PKD2L1: variants seen among roughly 807,000 people sequenced by gnomAD.
PKD2L1 encodes the protein polycystin 2 like 1, transient receptor potential cation channel.
A neutral mutation model predicts 93.0 loss-of-function variants in PKD2L1; 77 were observed. That is an observed-to-expected ratio of 0.83 (90% CI 0.69 to 1.00). The LOEUF (loss-of-function observed/expected upper bound fraction) is 1.00, where lower values mean the gene tolerates loss of function less well. Ranked by LOEUF, PKD2L1 falls within the 50% of genes least tolerant of loss-of-function variation. PKD2L1 has a pLI of 0.00. For missense variants in PKD2L1, 977 were observed against 990.9 expected, an observed-to-expected ratio of 0.99 and a Z score of 0.19; for synonymous variants, 390 against 388.0, an observed-to-expected ratio of 1.01 and a Z score of -0.06.
rs1485608596 is a variant in PKD2L1 at position 100,288,450 on chromosome 10, G to T, written c.2364C>A (p.Ala788=). ...SEVPYKREEE[A]LEERRLSRGE... Reference sequence around the variant, plus strand: ...CACGGGAGAGTCTCCTCTCCTCTAAGGCTTCCTCTTCTCTTTTATAGGGAA... The same window carrying T: ...CACGGGAGAGTCTCCTCTCCTCTAATGCTTCCTCTTCTCTTTTATAGGGAA... Residue 788 remains alanine (A), a synonymous_variant, in exon 16 of 16, where the codon GCC becomes GCA. Coordinates refer to ENST00000318222, the MANE Select transcript of PKD2L1 (RefSeq NM_016112.3). The T allele has an allele frequency of 6.2e-7, 1 of 1,612,426 alleles. No individual in the cohort carries two copies. Among genetic ancestry groups the T allele is most frequent in the Non-Finnish European group, 8.5e-7 (1 of 1,178,492 alleles).
At chr10:100,328,398 A>G (rs994530134) in intron 2 of PKD2L1, among the ~76,000 whole-genome samples, 13 of 152,220 alleles carry the variant, frequency 8.5e-5, no homozygotes, top group Non-Finnish European at 1.8e-4. Flanking sequence ...ACATGGGACC[A>G]TCACCATACC....
chr10:100,316,768 A>G (rs890867039), intron 2 of PKD2L1, among the ~76,000 whole-genome samples: 2 of 152,198 alleles, frequency 1.3e-5, no homozygotes, highest in African/African-American at 4.8e-5. Flanking sequence ...TATTTGGGTT[A>G]TATCTATCAA....
chr10:100,295,986 A>T, intron 7 of PKD2L1, 136 bp downstream of exon 7: 5 of 702,368 alleles, frequency 7.1e-6, no homozygotes, highest in Non-Finnish European at 1.1e-5. Flanking sequence ...CAGTGAGCCA[A>T]GATCGCCCCC....
intron 2 of PKD2L1, among the ~76,000 whole-genome samples, chr10:100,325,407 A>T (rs1275058542): frequency 6.6e-6 from 1 of 152,178 alleles, no homozygotes; most frequent in African/African-American, 2.4e-5. Context: ...CCAAGGCTCC[A>T]TGTCGCCTGA....
intron 7 of PKD2L1, among the ~76,000 whole-genome samples, chr10:100,295,428 TAAAAA>T (rs751427378): frequency 8.4e-5 from 6 of 71,226 alleles, no homozygotes; most frequent in Admixed American, 1.7e-4. Context: ...CTGGGACCAT[TAAAAA>T]AAAAAAAAAA....
chr10:100,294,627 C>T lies in PKD2L1; in HGVS notation c.1567G>A (p.Asp523Asn), dbSNP rs1245630963. 3 of 1,613,904 alleles carry T rather than the reference C, an allele frequency of 1.9e-6. No homozygotes were observed. Among genetic ancestry groups the T allele is most frequent in the Non-Finnish European group, 2.5e-6 (3 of 1,179,986 alleles). ...TTGTCGATAGCATTGTAGTCAAAGT[C>T]CCCGAGGATTATCCGGAACTGAGTG... ...IFTQFRIILG[D>N]FDYNAIDNAN... The change falls in exon 9 of 16, where the codon GAC becomes AAC. Residue 523 changes from aspartate (D) to asparagine (N), a missense_variant. Physicochemically the swap from Asp to Asn is conservative, Grantham distance 23. Transcript: ENST00000318222.
intron 2 of PKD2L1, among the ~76,000 whole-genome samples, chr10:100,301,983 A>G (rs989300067): frequency 1.3e-5 from 2 of 152,216 alleles, no homozygotes; most frequent in Admixed American, 1.3e-4. Flanking sequence ...TTACAGGCAT[A>G]TGCCACCACA....
chr10:100,320,304 G>A (rs533623538), intron 2 of PKD2L1, among the ~76,000 whole-genome samples: 2 of 152,304 alleles, frequency 1.3e-5, no homozygotes, highest in Admixed American at 1.3e-4. Flanking sequence ...CATATTGCCT[G>A]CATGAAAAAG....
intron 9 of PKD2L1, among the ~76,000 whole-genome samples, chr10:100,294,308 G>T (rs1848470177): frequency 6.6e-6 from 1 of 152,090 alleles, no homozygotes; most frequent in African/African-American, 2.4e-5. Context: ...ATGAGGGTTT[G>T]ATTTTACTGA....
intron 4 of PKD2L1, 105 bp downstream of exon 4, chr10:100,298,457 G>T: frequency 1.7e-6 from 2 of 1,173,510 alleles, no homozygotes; most frequent in Non-Finnish European, 2.4e-6. Context: ...CCCTTAAAGA[G>T]CTCTGAGGCT....
intron 9 of PKD2L1, among the ~76,000 whole-genome samples, chr10:100,294,112 A>G (rs1848467029): frequency 6.6e-6 from 1 of 152,100 alleles, no homozygotes; most frequent in South Asian, 2.1e-4. Flanking sequence ...GACCCTGTCT[A>G]AAATAAATAA....
chr10:100,289,565 A>T (rs891748319), intron 14 of PKD2L1, among the ~76,000 whole-genome samples: 1 of 151,936 alleles, frequency 6.6e-6, no homozygotes, highest in Non-Finnish European at 1.5e-5. Flanking sequence ...TAAATAAAAT[A>T]AAAAAATAAA....
At chr10:100,328,680 T>C (rs1350412278) in intron 2 of PKD2L1, among the ~76,000 whole-genome samples, 1 of 151,842 alleles carries the variant, frequency 6.6e-6, no homozygotes, top group Non-Finnish European at 1.5e-5. Context: ...CTGCAACCTC[T>C]GCTCCTGGGT....
chr10:100,289,570 A>T (rs1166457247), intron 14 of PKD2L1, among the ~76,000 whole-genome samples: 1 of 152,014 alleles, frequency 6.6e-6, no homozygotes, highest in Non-Finnish European at 1.5e-5. Flanking sequence ...AAAATAAAAA[A>T]ATAAAATAAA....
rs1018513613 is a variant in PKD2L1, at chr10:100,317,024, G to A, written c.349+12187C>T. On this transcript the variant is annotated intron_variant, in intron 2 of 15. Coordinates refer to ENST00000318222, the MANE Select transcript of PKD2L1 (RefSeq NM_016112.3). Reference sequence around the variant, plus strand: ...GATCCCTTGAGCCTGGGAGGCAGTGGCTGCAGTGAGCCAAGATCGCCCCAC... The same window carrying A: ...GATCCCTTGAGCCTGGGAGGCAGTGACTGCAGTGAGCCAAGATCGCCCCAC... Among the ~76,000 whole-genome samples, 18 of 151,958 alleles carry A rather than the reference G, an allele frequency of 1.2e-4. 1 individual carries two copies. The highest frequency in any genetic ancestry group is 6.6e-5 in the Admixed American group (1 of 15,250).
At chr10:100,322,884 C>T (rs1188157897) in intron 2 of PKD2L1, among the ~76,000 whole-genome samples, 2 of 152,228 alleles carry the variant, frequency 1.3e-5, no homozygotes, top group African/African-American at 4.8e-5. Flanking sequence ...CCTCTTTCTT[C>T]ACTTGCTTGC....
Position 100,290,393 on chromosome 10 carries a change from G to T in PKD2L1, c.2126+8C>A. ...AGCCCTGAACCAGCCTTTCTTGGCT[G>T]CACGTACATGTAGAATTCTTCTCCT... is the stretch of plus-strand genomic sequence containing the variant. On this transcript the variant is annotated splice_region_variant and intron_variant, in intron 13 of 15. Transcript: ENST00000318222. The T allele has an allele frequency of 6.3e-7, 1 of 1,574,844 alleles. No individual in the cohort carries two copies. The highest frequency in any genetic ancestry group is 8.7e-7 in the Non-Finnish European group (1 of 1,145,840).
In PKD2L1 at chr10:100,329,387, C is replaced by T. The variant is rs150964976; in HGVS notation, c.236-63G>A. On this transcript the variant is annotated intron_variant, in intron 1 of 15. Coordinates refer to ENST00000318222, the MANE Select transcript of PKD2L1 (RefSeq NM_016112.3). ...GCAGTGTTCCTCCCAGTCATCCCCA[C>T]CCATCTGTCTCTGGACTTTAGCCCC... is the stretch of plus-strand genomic sequence containing the variant. 8.0e-4 allele frequency: 1,293 copies of T among 1,611,816 alleles called. 10 individuals carry two copies. In the African/African-American group the frequency reaches 0.014, roughly 18 times the overall value.
In PKD2L1 at chr10:100,291,363, C is replaced by T. The variant is rs2134376228; in HGVS notation, c.1945G>A (p.Gly649Arg). Residue 649 changes from glycine (G) to arginine (R), a missense_variant, in exon 12 of 16, where the codon GGG becomes AGG. Coordinates refer to ENST00000318222, the MANE Select transcript of PKD2L1 (RefSeq NM_016112.3). ...TCCTTCTCATCCAGAATACGATTCCCATCTCTGTCAAACTTGGTGAAGGTG... is the reference window on the plus strand; with the variant it reads ...TCCTTCTCATCCAGAATACGATTCCTATCTCTGTCAAACTTGGTGAAGGTG... ...TATFTKFDRD[G>R]NRILDEKEQE... 6.2e-7 allele frequency: 1 copy of T among 1,614,066 alleles called. No individual in the cohort carries two copies. The highest frequency in any genetic ancestry group is 1.1e-5 in the South Asian group (1 of 91,084).
Sources: gnomAD v4.1 joint callset for allele counts (sites outside exome capture counted in the v4.1 genomes callset) on GRCh38, gnomAD v4.1.1 for gene constraint, MANE v1.5 for transcripts, NCBI Gene and HGNC (gene_info 2026-07-23, HGNC 2026-07-21) for gene names.